OR4N2: variants seen among roughly 807,000 people sequenced by gnomAD.
The protein encoded by OR4N2 is olfactory receptor 4N2.
For missense variants in OR4N2, 307 were observed against 377.6 expected (o/e 0.81, Z 1.55); for synonymous variants, 141 against 140.4 (o/e 1.00, Z -0.03).
At chr14:19,825,565 ATTTAT>A (rs1879674660) in intron 1 of OR4N2, among the ~76,000 whole-genome samples, 1 of 150,878 alleles carries the variant, frequency 6.6e-6, no homozygotes, top group Non-Finnish European at 1.5e-5. Context: ...TTATTTATTT[ATTTAT>A]TTTGAGACGG....
At chr14:19,813,130 T>C (rs543615876) in intron 1 of OR4N2, among the ~76,000 whole-genome samples, 1 of 152,356 alleles carries the variant, frequency 6.6e-6, no homozygotes, top group African/African-American at 2.4e-5. Flanking sequence ...CTGGATTATA[T>C]GCACAATTAT....
chr14:19,818,155 T>C (rs889454882), intron 1 of OR4N2, among the ~76,000 whole-genome samples: 3 of 152,264 alleles, frequency 2.0e-5, no homozygotes, highest in Admixed American at 6.5e-5. Flanking sequence ...GAGAAGAATA[T>C]ATATTCTGTT....
chr14:19,823,508 C>G (rs148710191), intron 1 of OR4N2, among the ~76,000 whole-genome samples: 52 of 152,174 alleles, frequency 3.4e-4, no homozygotes, highest in Admixed American at 9.8e-4. Flanking sequence ...ATTTCTCACT[C>G]TTGTTGGGAA....
Position 19,827,296 on chromosome 14 carries a change from G to C in OR4N2, c.-9-144G>C, listed in dbSNP as rs1175531145. 9 of 695,556 alleles carry C rather than the reference G, an allele frequency of 1.3e-5. No individual in the cohort carries two copies. The African/African-American group carries it at 1.5e-4, about 11-fold the overall frequency. The allele number at this position is 695,556 out of a possible 1,614,324, so 43.1% of individuals were successfully genotyped here. On this transcript the variant is annotated intron_variant, in intron 1 of 1. Transcript: ENST00000557677. ...TAAATTTGGAGAAATTAAGGTAATG[G>C]AGTTTCCCCAGAATAGGAGAGGGAT... is the stretch of plus-strand genomic sequence containing the variant.
At chr14:19,811,316 G>A (rs1298948084) in intron 1 of OR4N2, among the ~76,000 whole-genome samples, 1 of 152,122 alleles carries the variant, frequency 6.6e-6, no homozygotes, top group Non-Finnish European at 1.5e-5. Flanking sequence ...GTGCGATCTC[G>A]GCTCACTGCA....
chr14:19,817,929 C>T (rs1879468274), intron 1 of OR4N2, among the ~76,000 whole-genome samples: 1 of 152,236 alleles, frequency 6.6e-6, no homozygotes, highest in African/African-American at 2.4e-5. Flanking sequence ...TTATTTCTGC[C>T]TAAATTTCGT....
At chr14:19,821,653 G>T (rs570422022) in intron 1 of OR4N2, among the ~76,000 whole-genome samples, 1 of 152,170 alleles carries the variant, frequency 6.6e-6, no homozygotes, top group African/African-American at 2.4e-5. Context: ...TCTCACGATA[G>T]AATTTTTGTT....
chr14:19,814,224 GA>G (rs1309374542), intron 1 of OR4N2, among the ~76,000 whole-genome samples: 1 of 152,038 alleles, frequency 6.6e-6, no homozygotes, highest in African/African-American at 2.4e-5. Flanking sequence ...ATCTTTAATG[GA>G]AAAATGTTTT....
chr14:19,824,660 C>T (rs1308592917), intron 1 of OR4N2, among the ~76,000 whole-genome samples: 1 of 152,248 alleles, frequency 6.6e-6, no homozygotes. Flanking sequence ...TCCTTCTCCT[C>T]CTCAGCCTAC....
At chr14:19,819,220 T>C (rs1324913713) in intron 1 of OR4N2, among the ~76,000 whole-genome samples, 1 of 152,172 alleles carries the variant, frequency 6.6e-6, no homozygotes, top group South Asian at 2.1e-4. Flanking sequence ...TCCTGAATTT[T>C]AATGTTGGCC....
chr14:19,806,397 AAAAC>A (rs1479005220), intron 1 of OR4N2, among the ~76,000 whole-genome samples: 6 of 152,158 alleles, frequency 3.9e-5, no homozygotes, highest in Non-Finnish European at 5.9e-5. Context: ...ATGTAAACAA[AAAAC>A]AAACAAACAA....
At position 19,813,676 on chromosome 14, in the gene OR4N2, T is replaced by A. The variant is rs560634456; in HGVS notation, c.-10+9832T>A. Among the ~76,000 whole-genome samples the A allele has an allele frequency of 3.3e-5, 5 of 152,308 alleles. No homozygotes were observed. The East Asian group carries it at 9.6e-4, about 29-fold the overall frequency. ...TTAGAATACATGCATTCCAGAGATG[T>A]ATAGAAATTCTAGTTACTCACAAAT... is the stretch of plus-strand genomic sequence containing the variant. On this transcript the variant is annotated intron_variant, in intron 1 of 1. Coordinates refer to ENST00000557677, the MANE Select transcript of OR4N2 (RefSeq NM_001004723.3).
intron 1 of OR4N2, among the ~76,000 whole-genome samples, chr14:19,818,779 A>G (rs148118690): frequency 1.3e-5 from 2 of 152,366 alleles, no homozygotes; most frequent in East Asian, 1.9e-4. Context: ...CATAGCTTCA[A>G]TGGTCTTTAC....
At position 19,812,500 on chromosome 14, in the gene OR4N2, TTTTG is replaced by T. The variant is rs531494706; in HGVS notation, c.-10+8680_-10+8683del. 9.8e-3 allele frequency among the ~76,000 whole-genome samples: 1,456 copies of T among 148,102 alleles called. 6 individuals are homozygous for T. Among genetic ancestry groups the T allele is most frequent in the Non-Finnish European group, 0.013 (880 of 67,696 alleles). The stretch of plus-strand genomic sequence containing the variant: ...ACCCGCCACCAAGCCGAGATAATTT[TTTTG>T]TTTGTTTGTTTGTTTGTTTGTTTTT... On this transcript the variant is annotated intron_variant, in intron 1 of 1. Coordinates refer to ENST00000557677, the MANE Select transcript of OR4N2 (RefSeq NM_001004723.3).
In OR4N2 at chr14:19,830,041, T is replaced by G. The variant is rs1006186907; in HGVS notation, c.*1669T>G. 3.9e-5 allele frequency: 6 copies of G among 152,650 alleles called. No individual in the cohort carries two copies. Among genetic ancestry groups the G allele is most frequent in the African/African-American group, 1.2e-4 (5 of 41,584 alleles). The allele number at this position is 152,650 out of a possible 1,614,324, so 9.5% of individuals were successfully genotyped here. The stretch of plus-strand genomic sequence containing the variant: ...CTGAGACTGAGTGACCTGATCCTGC[T>G]CCTACAGAAGTAAACCCTTCCACCT... On this transcript the variant is annotated 3_prime_UTR_variant, in exon 2 of 2. Coordinates refer to ENST00000557677, the MANE Select transcript of OR4N2 (RefSeq NM_001004723.3).
chr14:19,827,337 T>C (rs1205326904), intron 1 of OR4N2, 103 bp from the exon 2 acceptor site: 2 of 1,002,646 alleles, frequency 2.0e-6, no homozygotes, highest in Non-Finnish European at 2.9e-6. Context: ...ATGTTGTTTT[T>C]AGCTGAAGTA....
Position 19,827,670 on chromosome 14 carries a change from C to T in OR4N2, c.222C>T (p.Ser74=), listed in dbSNP as rs759029763. 6.2e-7 allele frequency: 1 copy of T among 1,614,250 alleles called. No homozygotes were observed. Among genetic ancestry groups the T allele is most frequent in the Non-Finnish European group, 8.5e-7 (1 of 1,180,032 alleles). ...TGGCCTTCCTGGATGCATCCTACTCCTTCATTGTGGCTCCCCGGATGTTGG... is the reference window on the plus strand; with the variant it reads ...TGGCCTTCCTGGATGCATCCTACTCTTTCATTGTGGCTCCCCGGATGTTGG... ...GNLAFLDASY[S]FIVAPRMLVD... The change falls in exon 2 of 2, where the codon TCC becomes TCT. Residue 74 remains serine, a synonymous_variant. Transcript: ENST00000557677.
intron 1 of OR4N2, among the ~76,000 whole-genome samples, chr14:19,812,598 TC>T (rs1232311018): frequency 6.6e-6 from 1 of 152,248 alleles, no homozygotes; most frequent in Non-Finnish European, 1.5e-5. Context: ...GACTTCGTGA[TC>T]CGCCCACCTC....
In OR4N2 at chr14:19,829,353, G is replaced by A. The variant is rs1879809003; in HGVS notation, c.*981G>A. 1 of 152,336 alleles carries A rather than the reference G, an allele frequency of 6.6e-6. No individual in the cohort carries two copies. Among genetic ancestry groups the A allele is most frequent in the African/African-American group, 2.4e-5 (1 of 41,578 alleles). The allele number at this position is 152,336 out of a possible 1,614,324, so 9.4% of individuals were successfully genotyped here. A position where few individuals can be genotyped will look rare whatever the true frequency, so the allele number is the denominator to read the frequency against. On this transcript the variant is annotated 3_prime_UTR_variant, in exon 2 of 2. Coordinates refer to ENST00000557677, the MANE Select transcript of OR4N2 (RefSeq NM_001004723.3). ...AACAGTCTTTTGGTAGAGCAATCAG[G>A]ATTTTGTGTCAGAGACAAGAAACCA...
Sources: allele counts gnomAD v4.1 joint callset (sites outside exome capture counted in the v4.1 genomes callset), GRCh38; gene constraint gnomAD v4.1.1; transcripts MANE v1.5; gene names NCBI Gene and HGNC (gene_info 2026-07-23, HGNC 2026-07-21).